Variants in ASCC3 observed in about 807,000 individuals in gnomAD.
ASCC3 encodes the protein ASC-1 complex subunit P200.
In ASCC3, 158 loss-of-function variants were observed where a neutral mutation model predicts 256.3. The ratio of observed to expected loss-of-function variants is 0.62; its 90% CI spans 0.54 to 0.70. ASCC3 has a LOEUF of 0.70. Among genes scored for constraint, ASCC3 ranks in the 30% least tolerant of loss-of-function variants. ASCC3 has a pLI of 0.00. For missense variants in ASCC3, 2,259 were observed against 2,626.0 expected, an observed-to-expected ratio of 0.86 and a Z score of 3.05; for synonymous variants, 948 against 883.4, an observed-to-expected ratio of 1.07 and a Z score of -1.30.
chr6:100,657,994 C>CA (rs1775997517), intron 16 of ASCC3, among the ~76,000 whole-genome samples: 1 of 151,428 alleles, frequency 6.6e-6, no homozygotes, highest in Admixed American at 6.6e-5. Flanking sequence ...TCCCTCATCT[C>CA]AAAATCATAT....
intron 8 of ASCC3, among the ~76,000 whole-genome samples, chr6:100,771,254 C>T (rs1781905102): frequency 6.6e-6 from 1 of 152,026 alleles, no homozygotes; most frequent in Admixed American, 6.5e-5. Context: ...GAAACCATAC[C>T]TTGTGTCACA....
intron 36 of ASCC3, among the ~76,000 whole-genome samples, chr6:100,585,902 G>A (rs553688231): frequency 5.9e-5 from 9 of 152,254 alleles, no homozygotes; most frequent in South Asian, 2.1e-4. Flanking sequence ...GCAGTTTTTC[G>A]TGAACCGCGA....
intron 2 of ASCC3, among the ~76,000 whole-genome samples, chr6:100,867,329 A>G (rs1432864745): frequency 5.9e-5 from 9 of 152,322 alleles, no homozygotes; most frequent in Non-Finnish European, 1.2e-4. Context: ...AAAGCAGTCC[A>G]TGTACATTTA....
At chr6:100,581,427 GTTGT>G (rs1374687272) in intron 36 of ASCC3, among the ~76,000 whole-genome samples, 1,950 of 152,158 alleles carry the variant, frequency 0.013, 42 homozygotes, top group African/African-American at 0.045. Flanking sequence ...TTTTGATGGG[GTTGT>G]TTGTTTTTTT....
chr6:100,825,612 G>C (rs1175103914), intron 4 of ASCC3, among the ~76,000 whole-genome samples: 1 of 152,012 alleles, frequency 6.6e-6, no homozygotes, highest in Non-Finnish European at 1.5e-5. Flanking sequence ...AGTATCTTGT[G>C]GTGTTCTCTG....
At chr6:100,704,400 A>T (rs1255725278) in intron 13 of ASCC3, among the ~76,000 whole-genome samples, 1 of 151,998 alleles carries the variant, frequency 6.6e-6, no homozygotes, top group Non-Finnish European at 1.5e-5. Context: ...TAGCAGAAAC[A>T]CTAGTACTGA....
chr6:100,520,430 TCTTC>T (rs1250461206), intron 37 of ASCC3, among the ~76,000 whole-genome samples: 1 of 150,954 alleles, frequency 6.6e-6, no homozygotes, highest in East Asian at 1.9e-4. Flanking sequence ...TTCTCCTTCT[TCTTC>T]TTTTTTTTTT....
At chr6:100,820,238 T>G (rs1770969441) in intron 4 of ASCC3, among the ~76,000 whole-genome samples, 1 of 152,172 alleles carries the variant, frequency 6.6e-6, no homozygotes, top group African/African-American at 2.4e-5. Context: ...TTCATACTTC[T>G]AACTTACTAC....
intron 13 of ASCC3, among the ~76,000 whole-genome samples, chr6:100,688,530 A>G (rs1777691470): frequency 6.6e-6 from 1 of 152,202 alleles, no homozygotes; most frequent in Non-Finnish European, 1.5e-5. Flanking sequence ...GAACATTACT[A>G]TTACGATTAA....
intron 13 of ASCC3, among the ~76,000 whole-genome samples, chr6:100,691,201 C>CA (rs149355794): frequency 0.014 from 2,164 of 151,980 alleles, 42 homozygotes; most frequent in African/African-American, 0.05. Context: ...ATCAATTCAC[C>CA]AATATAGCAA....
At chr6:100,540,865 G>T (rs1362201568) in intron 36 of ASCC3, among the ~76,000 whole-genome samples, 1 of 152,126 alleles carries the variant, frequency 6.6e-6, no homozygotes, top group Non-Finnish European at 1.5e-5. Flanking sequence ...AAATAAGACA[G>T]GGCTGGAGAA....
rs544080208 is a variant in ASCC3 at position 100,860,502 on chromosome 6, C to T, written c.241+3562G>A. Among the ~76,000 whole-genome samples, 9 of 151,992 alleles carry T rather than the reference C, an allele frequency of 5.9e-5. No individual in the cohort carries two copies. The East Asian group carries it at 1.5e-3, about 26-fold the overall frequency. ...ACTGCCACTTGTAAGACATCGTCAG[C>T]ATTACAGGTAGTGAAGACCACAGAG... On this transcript the variant is annotated intron_variant, in intron 3 of 41. Coordinates refer to ENST00000369162, the MANE Select transcript of ASCC3 (RefSeq NM_006828.4).
chr6:100,822,130 A>C (rs549197770), intron 4 of ASCC3, among the ~76,000 whole-genome samples: 1 of 152,324 alleles, frequency 6.6e-6, no homozygotes, highest in East Asian at 1.9e-4. Context: ...TATACTAAAA[A>C]CAATCATTGA....
At chr6:100,865,786 A>G (rs1773447165) in intron 2 of ASCC3, among the ~76,000 whole-genome samples, 1 of 152,142 alleles carries the variant, frequency 6.6e-6, no homozygotes, top group South Asian at 2.1e-4. Flanking sequence ...CATATACTAT[A>G]TTACATGGTT....
chr6:100,553,166 T>G (rs1206724626), intron 36 of ASCC3, among the ~76,000 whole-genome samples: 10 of 152,054 alleles, frequency 6.6e-5, no homozygotes, highest in Non-Finnish European at 1.5e-4. Flanking sequence ...TTTACTTAGT[T>G]AAGATTAATT....
intron 10 of ASCC3, among the ~76,000 whole-genome samples, chr6:100,765,122 C>T (rs1255821326): frequency 6.6e-6 from 1 of 152,130 alleles, no homozygotes; most frequent in East Asian, 1.9e-4. Context: ...CAGATACTGT[C>T]TCAAAGCCTC....
intron 36 of ASCC3, among the ~76,000 whole-genome samples, chr6:100,558,341 C>A (rs1415607583): frequency 6.6e-6 from 1 of 152,040 alleles, no homozygotes; most frequent in Non-Finnish European, 1.5e-5. Context: ...AAATGGGTGA[C>A]CCTCAAATTT....
rs539597277 is a variant in ASCC3 at position 100,522,780 on chromosome 6, C to T, written c.5776-4638G>A. 4.0e-5 allele frequency among the ~76,000 whole-genome samples: 6 copies of T among 151,488 alleles called. No individual in the cohort carries two copies. The East Asian group carries it at 1.2e-3, about 30-fold the overall frequency. ...AAGTTATTGAATTTAAACCATTTTT[C>T]AGATGAAGACACTGGTTTACAAAGG... On this transcript the variant is annotated intron_variant, in intron 37 of 41. Coordinates refer to ENST00000369162, the MANE Select transcript of ASCC3 (RefSeq NM_006828.4).
At chr6:100,720,551 T>C (rs1779280149) in intron 11 of ASCC3, among the ~76,000 whole-genome samples, 1 of 151,812 alleles carries the variant, frequency 6.6e-6, no homozygotes, top group Admixed American at 6.6e-5. Context: ...GGGTCAATGA[T>C]ATTTAAAAGG....
Sources: gnomAD v4.1 joint callset for allele counts (sites outside exome capture counted in the v4.1 genomes callset) on GRCh38, gnomAD v4.1.1 for gene constraint, MANE v1.5 for transcripts, NCBI Gene and HGNC (gene_info 2026-07-23, HGNC 2026-07-21) for gene names.